The following CTXN2 variants were observed in gnomAD, a reference collection of about 807,000 sequenced individuals.
CTXN2 encodes cortexin 2.
A neutral mutation model predicts 5.7 loss-of-function variants in CTXN2; 3 were observed. The observed-to-expected ratio is 0.53, with a 90% confidence interval of 0.24 to 1.36. The LOEUF is 1.36. Ranked by LOEUF, CTXN2 falls within the 40% of genes most tolerant of loss-of-function variation. The pLI is 0.17. For synonymous variants in CTXN2, 38 were observed against 36.4 expected, an observed-to-expected ratio of 1.04 and a Z score of -0.16; for missense variants, 87 against 93.0, an observed-to-expected ratio of 0.94 and a Z score of 0.26.
intron 1 of CTXN2, among the ~76,000 whole-genome samples, chr15:48,195,935 T>C (rs965628625): frequency 6.6e-6 from 1 of 152,168 alleles, no homozygotes; most frequent in African/African-American, 2.4e-5. Flanking sequence ...TCTTCTCCCT[T>C]ACTAGTTGGA....
rs190880430 is a variant in CTXN2 at position 48,201,542 on chromosome 15, C to T, written c.242C>T (p.Ala81Val). 4.1e-3 allele frequency: 6,331 copies of T among 1,550,908 alleles called. 112 individuals carry two copies. The highest frequency in any genetic ancestry group is 0.037 in the South Asian group (3,144 of 84,012). ...FDKGTFEYAL[A>V] is the part of the protein sequence containing the mutation. ...AAAGGGACATTTGAATATGCACTCG[C>T]GTGAGAGTTCCAGCTATATGGTTTT... The change falls in exon 2 of 2, where the codon GCG (alanine) becomes GTG (valine). Residue 81 changes from alanine to valine, a missense_variant. By Grantham distance (64) the Ala-to-Val change is moderately conservative. Coordinates refer to ENST00000417307, the MANE Select transcript of CTXN2 (RefSeq NM_001145668.2).
At position 48,201,875 on chromosome 15, in the gene CTXN2, T is replaced by C. The variant is rs2040932252; in HGVS notation, c.*329T>C. ...ACTGTGCCAAAGGCATCTTGCTCTC[T>C]CCCCTCTGAAAAGCCCAGGCATCCC... On this transcript the variant is annotated 3_prime_UTR_variant, in exon 2 of 2. Coordinates refer to ENST00000417307, the MANE Select transcript of CTXN2 (RefSeq NM_001145668.2). 3.5e-6 allele frequency: 1 copy of C among 288,988 alleles called. No homozygotes were observed. The allele number at this position is 288,988 out of a possible 1,614,324, so 17.9% of individuals were successfully genotyped here. A position where few individuals can be genotyped will look rare whatever the true frequency, so the allele number is the denominator to read the frequency against.
Position 48,201,429 on chromosome 15 carries a change from T to C in CTXN2, c.129T>C (p.Leu43=). ...GGATTTTGTGTATCTTCTTGGGACT[T>C]CTTATTATCCGATGCTTCAAAATCC... is the stretch of plus-strand genomic sequence containing the variant. ...FVGILCIFLG[L]LIIRCFKILL... Residue 43 remains leucine (L), a synonymous_variant, in exon 2 of 2, where the codon CTT becomes CTC. Transcript: ENST00000417307. 1 of 1,551,410 alleles carries C rather than the reference T, an allele frequency of 6.4e-7. No individual in the cohort carries two copies. Among genetic ancestry groups the C allele is most frequent in the Non-Finnish European group, 8.7e-7 (1 of 1,146,762 alleles).
At chr15:48,200,385 T>C (rs1437422211) in intron 1 of CTXN2, among the ~76,000 whole-genome samples, 2 of 152,192 alleles carry the variant, frequency 1.3e-5, no homozygotes, top group African/African-American at 2.4e-5. Context: ...GTTGAACATA[T>C]ACTTTCTGAA....
At chr15:48,184,230 C>T (rs1288643811) in intron 1 of CTXN2, among the ~76,000 whole-genome samples, 3 of 152,150 alleles carry the variant, frequency 2.0e-5, no homozygotes, top group African/African-American at 4.8e-5. Flanking sequence ...AAAGTGTCTT[C>T]GCATCTCACC....
intron 1 of CTXN2, among the ~76,000 whole-genome samples, 163 bp from the exon 2 acceptor site, chr15:48,201,081 C>T (rs2040924532): frequency 1.3e-5 from 2 of 152,202 alleles, no homozygotes; most frequent in Non-Finnish European, 2.9e-5. Context: ...TTAGAAGTAG[C>T]ATCTCCAATG....
At chr15:48,195,794 G>A (rs1163866206) in intron 1 of CTXN2, among the ~76,000 whole-genome samples, 2 of 151,926 alleles carry the variant, frequency 1.3e-5, no homozygotes, top group Non-Finnish European at 2.9e-5. Context: ...TGGGTGTTGT[G>A]GGAATAAAAT....
At chr15:48,187,881 C>G (rs2040773670), upstream of CTXN2, among the ~76,000 whole-genome samples, 3 of 152,056 alleles carry the variant, frequency 2.0e-5, no homozygotes, top group South Asian at 6.2e-4. Flanking sequence ...AATAGGGTAA[C>G]AAAGTGGTTT....
chr15:48,202,918 A>G lies in CTXN2; in HGVS notation c.*1372A>G, dbSNP rs2040939865. ...AATACAAAAATATTTATGTCCTTTG[A>G]AAACACAGAACTGCAAAACATACCA... On this transcript the variant is annotated 3_prime_UTR_variant, in exon 2 of 2. Coordinates refer to ENST00000417307, the MANE Select transcript of CTXN2 (RefSeq NM_001145668.2). 6.0e-6 allele frequency: 1 copy of G among 165,494 alleles called. No individual in the cohort carries two copies. The highest frequency in any genetic ancestry group is 1.5e-5 in the Non-Finnish European group (1 of 68,122). 10.3% of individuals were successfully genotyped at this position (165,494 alleles called of 1,614,324 possible).
At chr15:48,181,391 A>G (rs550677135) in intron 1 of CTXN2, among the ~76,000 whole-genome samples, 13 of 152,126 alleles carry the variant, frequency 8.5e-5, no homozygotes, top group Non-Finnish European at 1.9e-4. Flanking sequence ...GTCCAGAAAA[A>G]AAGGGACCTA....
chr15:48,190,345 C>T (rs2040803535), upstream of CTXN2, among the ~76,000 whole-genome samples: 1 of 152,144 alleles, frequency 6.6e-6, no homozygotes, highest in East Asian at 1.9e-4. Context: ...AAACCATGGC[C>T]ATGGAAATGT....
At chr15:48,196,355 A>G (rs1181523080) in intron 1 of CTXN2, among the ~76,000 whole-genome samples, 6 of 152,088 alleles carry the variant, frequency 3.9e-5, no homozygotes, top group African/African-American at 1.4e-4. Context: ...ATGTGCTATC[A>G]TATTTCAGCC....
At chr15:48,197,768 T>A (rs1421921214) in intron 1 of CTXN2, among the ~76,000 whole-genome samples, 3 of 152,192 alleles carry the variant, frequency 2.0e-5, no homozygotes, top group African/African-American at 7.2e-5. Context: ...TTTAAAGCCA[T>A]GAAATAGCCA....
chr15:48,202,915 T>TTGAAAACACAGAACTGCAAAACA lies in CTXN2; in HGVS notation c.*1371_*1393dup, dbSNP rs1172119526. 6.0e-6 allele frequency: 1 copy of TTGAAAACACAGAACTGCAAAACA among 165,362 alleles called. No individual in the cohort carries two copies. The highest frequency in any genetic ancestry group is 1.5e-5 in the Non-Finnish European group (1 of 68,116). 10.2% of individuals were successfully genotyped at this position (165,362 alleles called of 1,614,324 possible). A position where few individuals can be genotyped will look rare whatever the true frequency, so the allele number is the denominator to read the frequency against. On this transcript the variant is annotated 3_prime_UTR_variant, in exon 2 of 2. Transcript: ENST00000417307. ...ATAAATACAAAAATATTTATGTCCT[T>TTGAAAACACAGAACTGCAAAACA]TGAAAACACAGAACTGCAAAACATA...
chr15:48,194,599 T>C (rs866229048), intron 1 of CTXN2, among the ~76,000 whole-genome samples: 2 of 152,194 alleles, frequency 1.3e-5, no homozygotes, highest in East Asian at 3.8e-4. Context: ...GCCTCCTTTA[T>C]TATAGGTGAA....
At chr15:48,194,541 G>A (rs557362702) in intron 1 of CTXN2, among the ~76,000 whole-genome samples, 11 of 152,040 alleles carry the variant, frequency 7.2e-5, no homozygotes, top group East Asian at 5.8e-4. Context: ...TTCCATCACC[G>A]CTGCAGAATT....
Position 48,201,236 on chromosome 15 carries a change from G to C in CTXN2, c.-57-8G>C. On this transcript the variant is annotated splice_polypyrimidine_tract_variant and splice_region_variant and intron_variant, in intron 1 of 1. Coordinates refer to ENST00000417307, the MANE Select transcript of CTXN2 (RefSeq NM_001145668.2). ...GTAAAACTAAACTGAGTCCAATTTT[G>C]TACCTAGGCAAAGAGTTGATTCCAG... 6.6e-7 allele frequency: 1 copy of C among 1,526,056 alleles called. No homozygotes were observed. Among genetic ancestry groups the C allele is most frequent in the Non-Finnish European group, 8.9e-7 (1 of 1,129,172 alleles). The allele number at this position is 1,526,056 out of a possible 1,614,324, so 94.5% of individuals were successfully genotyped here.
intron 1 of CTXN2, among the ~76,000 whole-genome samples, chr15:48,182,086 C>G (rs2040705200): frequency 6.6e-6 from 1 of 151,632 alleles, no homozygotes; most frequent in Non-Finnish European, 1.5e-5. Flanking sequence ...TTACCATTCT[C>G]TCTCTTCTTC....
chr15:48,187,538 A>G (rs1326407541), upstream of CTXN2, among the ~76,000 whole-genome samples: 6 of 152,224 alleles, frequency 3.9e-5, no homozygotes, highest in Non-Finnish European at 7.3e-5. Flanking sequence ...TGAAAGTAAC[A>G]TGTTGGCCTC....
Sources: allele counts gnomAD v4.1 joint callset (sites outside exome capture counted in the v4.1 genomes callset), GRCh38; gene constraint gnomAD v4.1.1; transcripts MANE v1.5; gene names NCBI Gene and HGNC (gene_info 2026-07-23, HGNC 2026-07-21).